LPAR1: variants seen among roughly 807,000 people sequenced by gnomAD.
LPAR1 encodes the protein LPA receptor 1.
Under a neutral mutation model 23.8 loss-of-function variants are expected in LPAR1, and 5 were observed. The ratio of observed to expected loss-of-function variants is 0.21; its 90% CI spans 0.11 to 0.44. The LOEUF (loss-of-function observed/expected upper bound fraction) is 0.44, where lower values mean the gene tolerates loss of function less well. Ranked by LOEUF, LPAR1 falls within the 20% of genes least tolerant of loss-of-function variation. The pLI is 0.99. For synonymous variants in LPAR1, 160 were observed against 164.7 expected (o/e 0.97, Z 0.22); for missense variants, 311 against 482.8 (o/e 0.64, Z 3.33).
chr9:110,913,874 G>A (rs1277508588), intron 5 of LPAR1, among the ~76,000 whole-genome samples: 1 of 152,166 alleles, frequency 6.6e-6, no homozygotes, highest in Non-Finnish European at 1.5e-5. Flanking sequence ...AAAGAGGAGA[G>A]AACATCTAAG....
intron 5 of LPAR1, among the ~76,000 whole-genome samples, chr9:110,908,730 T>G (rs777944736): frequency 6.6e-6 from 1 of 152,064 alleles, no homozygotes; most frequent in African/African-American, 2.4e-5. Context: ...TGGAAAGAAC[T>G]ATATTGAAGG....
intron 4 of LPAR1, among the ~76,000 whole-genome samples, chr9:110,968,177 T>C (rs989204474): frequency 3.3e-5 from 5 of 152,232 alleles, no homozygotes; most frequent in Admixed American, 3.3e-4. Context: ...TGAAAGACCC[T>C]GTAAAATCTC....
At chr9:110,918,007 A>G (rs933893807) in intron 5 of LPAR1, among the ~76,000 whole-genome samples, 3 of 152,114 alleles carry the variant, frequency 2.0e-5, no homozygotes, top group Admixed American at 6.5e-5. Flanking sequence ...GCCTCATGCT[A>G]TCCTTCCAAC....
intron 5 of LPAR1, among the ~76,000 whole-genome samples, chr9:110,877,397 T>A (rs1008039047): frequency 6.6e-6 from 1 of 152,150 alleles, no homozygotes; most frequent in African/African-American, 2.4e-5. Flanking sequence ...GAGAAAAAAA[T>A]ATTTCAAATA....
At chr9:110,908,201 A>T (rs2091708529) in intron 5 of LPAR1, among the ~76,000 whole-genome samples, 1 of 151,286 alleles carries the variant, frequency 6.6e-6, no homozygotes, top group Admixed American at 6.6e-5. Context: ...TAAATATCTA[A>T]ATGTTTATAA....
intron 4 of LPAR1, among the ~76,000 whole-genome samples, chr9:110,971,187 A>G (rs1588617049): frequency 1.3e-5 from 2 of 152,294 alleles, no homozygotes; most frequent in South Asian, 4.1e-4. Flanking sequence ...TGTCACAAAT[A>G]AGAAAGGAGG....
At chr9:111,026,369 A>G (rs146238644) in intron 2 of LPAR1, among the ~76,000 whole-genome samples, 234 of 152,292 alleles carry the variant, frequency 1.5e-3, no homozygotes, top group African/African-American at 5.4e-3. Flanking sequence ...ATTTTTGCAC[A>G]TTGATTTTGT....
At chr9:111,005,360 G>A (rs934016395) in intron 2 of LPAR1, among the ~76,000 whole-genome samples, 1 of 151,076 alleles carries the variant, frequency 6.6e-6, no homozygotes, top group African/African-American at 2.4e-5. Context: ...GATCACTTGA[G>A]CTCAGGAGAC....
chr9:110,875,209 T>G lies in LPAR1; in HGVS notation c.*212A>C. 2.2e-6 allele frequency: 1 copy of G among 461,180 alleles called. No individual in the cohort carries two copies. Among genetic ancestry groups the G allele is most frequent in the East Asian group, 3.3e-5 (1 of 30,062 alleles). 28.6% of individuals were successfully genotyped at this position (461,180 alleles called of 1,614,324 possible). On this transcript the variant is annotated 3_prime_UTR_variant, in exon 6 of 6. Transcript: ENST00000683809. ...TCCAACTTCCTACTTTCAGAAGGGATGGGGATCAAGATGAGGGTTGTCACA... is the reference window on the plus strand; with the variant it reads ...TCCAACTTCCTACTTTCAGAAGGGAGGGGGATCAAGATGAGGGTTGTCACA...
intron 5 of LPAR1, among the ~76,000 whole-genome samples, chr9:110,892,018 C>A (rs28650945): frequency 0.072 from 10,925 of 152,192 alleles, 827 homozygotes; most frequent in African/African-American, 0.19. Context: ...TATCATATGA[C>A]TCAGCCATTC....
At chr9:110,931,140 T>A (rs888153290) in intron 5 of LPAR1, among the ~76,000 whole-genome samples, 3 of 152,188 alleles carry the variant, frequency 2.0e-5, no homozygotes, top group Non-Finnish European at 4.4e-5. Flanking sequence ...GAATATCTAA[T>A]AGAAATAATT....
intron 2 of LPAR1, among the ~76,000 whole-genome samples, chr9:111,009,829 T>C (rs1308886928): frequency 6.6e-6 from 1 of 151,614 alleles, no homozygotes; most frequent in Non-Finnish European, 1.5e-5. Context: ...GAATAAATTA[T>C]ATGTCTAAAT....
chr9:110,901,460 C>T (rs1014725379), intron 5 of LPAR1, among the ~76,000 whole-genome samples: 1 of 152,182 alleles, frequency 6.6e-6, no homozygotes, highest in African/African-American at 2.4e-5. Flanking sequence ...TTAATGGACT[C>T]ACAGTTCCAT....
chr9:110,965,133 G>A (rs2096165775), intron 4 of LPAR1, among the ~76,000 whole-genome samples: 1 of 152,014 alleles, frequency 6.6e-6, no homozygotes, highest in Non-Finnish European at 1.5e-5. Flanking sequence ...CTCCCAAAGT[G>A]CTGGGATTAT....
At chr9:110,968,435 T>G (rs1368678709) in intron 4 of LPAR1, among the ~76,000 whole-genome samples, 2 of 152,084 alleles carry the variant, frequency 1.3e-5, no homozygotes, top group Non-Finnish European at 2.9e-5. Flanking sequence ...TCCCTCTCTC[T>G]CTCTCTCTCT....
chr9:110,897,359 C>T (rs1350850497), intron 5 of LPAR1, among the ~76,000 whole-genome samples: 1 of 152,132 alleles, frequency 6.6e-6, no homozygotes, highest in Non-Finnish European at 1.5e-5. Context: ...GTGACTTGCT[C>T]CTCCTTGCCT....
chr9:110,878,360 GC>G (rs1172022624), intron 5 of LPAR1, among the ~76,000 whole-genome samples: 1 of 152,156 alleles, frequency 6.6e-6, no homozygotes, highest in Non-Finnish European at 1.5e-5. Context: ...GAAAATGGGG[GC>G]TGGAAAATTG....
intron 4 of LPAR1, among the ~76,000 whole-genome samples, chr9:110,958,853 A>G (rs529010868): frequency 1.4e-5 from 2 of 145,932 alleles, no homozygotes; most frequent in African/African-American, 5.2e-5. Context: ...AAACAAGTCA[A>G]GAGTTAAAAA....
At chr9:110,927,892 T>A (rs2094152842) in intron 5 of LPAR1, among the ~76,000 whole-genome samples, 1 of 152,144 alleles carries the variant, frequency 6.6e-6, no homozygotes, top group South Asian at 2.1e-4. Flanking sequence ...ATATTTTAAC[T>A]GTGCTATATG....
Sources: gnomAD v4.1 joint callset for allele counts (sites outside exome capture counted in the v4.1 genomes callset) on GRCh38, gnomAD v4.1.1 for gene constraint, MANE v1.5 for transcripts, NCBI Gene and HGNC (gene_info 2026-07-23, HGNC 2026-07-21) for gene names.